SOX6: variants seen among roughly 807,000 people sequenced by gnomAD.
The protein encoded by SOX6 is transcription factor SOX-6.
Under a neutral mutation model 97.8 loss-of-function variants are expected in SOX6, and 11 were observed. The observed-to-expected ratio is 0.11, with a 90% confidence interval of 0.07 to 0.19. The LOEUF (loss-of-function observed/expected upper bound fraction) is 0.19, where lower values mean the gene tolerates loss of function less well. Among genes scored for constraint, SOX6 ranks in the 10% least tolerant of loss-of-function variants. The pLI is 1.00. For synonymous variants in SOX6, 360 were observed against 371.4 expected, an observed-to-expected ratio of 0.97 and a Z score of 0.35; for missense variants, 810 against 1,039.5, an observed-to-expected ratio of 0.78 and a Z score of 3.04.
At chr11:16,342,010 T>C (rs1856651912) in intron 1 of SOX6, among the ~76,000 whole-genome samples, 1 of 152,034 alleles carries the variant, frequency 6.6e-6, no homozygotes, top group Non-Finnish European at 1.5e-5. Context: ...TATTAGGAAG[T>C]ATATACAAGA....
In SOX6 at chr11:16,583,599, A is replaced by G. The variant is rs12806745; in HGVS notation, n.609+28482T>C. ...ATTGTGTATATATATATATGTATAT[A>G]TGTGTATATATATACATATATATAT... is the stretch of plus-strand genomic sequence containing the variant. On this transcript the variant is annotated intron_variant and non_coding_transcript_variant, in intron 4 of 5. Transcript: ENST00000524520. Among the ~76,000 whole-genome samples the G allele has an allele frequency of 2.9e-5, 3 of 104,904 alleles. 1 individual carries two copies. The highest frequency in any genetic ancestry group is 5.8e-5 in the Non-Finnish European group (3 of 51,650). 68.8% of individuals were successfully genotyped at this position (104,904 alleles called of 152,430 possible).
At chr11:16,418,304 C>T (rs2352237) in intron 1 of SOX6, among the ~76,000 whole-genome samples, 151,568 of 152,288 alleles carry the variant, frequency 1, 75,431 homozygotes, top group Middle Eastern at 1. Context: ...GTTCATTTTC[C>T]TCTGCTTTCT....
At chr11:16,737,759 T>G (rs1404323453) in intron 1 of SOX6, among the ~76,000 whole-genome samples, 3 of 152,092 alleles carry the variant, frequency 2.0e-5, no homozygotes, top group Non-Finnish European at 4.4e-5. Context: ...TAACGGGCAT[T>G]GGGGTTCCTT....
rs1479051090 is a variant in SOX6, at chr11:15,969,078, T to C, written c.*3731A>G. 1 of 148,184 alleles carries C rather than the reference T, an allele frequency of 6.7e-6. No homozygotes were observed. The highest frequency in any genetic ancestry group is 1.5e-5 in the Non-Finnish European group (1 of 67,536). The allele number at this position is 148,184 out of a possible 1,614,324, so 9.2% of individuals were successfully genotyped here. On this transcript the variant is annotated 3_prime_UTR_variant, in exon 16 of 16. Transcript: ENST00000683767. ...TCCTTCCATTCCATATGGCTATTTTTTTTTTTTTTTTTTTTTGGGAGAGGA... is the reference window on the plus strand; with the variant it reads ...TCCTTCCATTCCATATGGCTATTTTCTTTTTTTTTTTTTTTTGGGAGAGGA...
chr11:15,981,539 G>A (rs888654319), intron 15 of SOX6, among the ~76,000 whole-genome samples: 8 of 152,110 alleles, frequency 5.3e-5, no homozygotes, highest in East Asian at 1.9e-4. Context: ...AAGCCTATAC[G>A]TCACATATCT....
At chr11:16,111,975 G>C in intron 6 of SOX6, 52 bp from the exon 7 acceptor site, 1 of 1,609,624 alleles carries the variant, frequency 6.2e-7, no homozygotes, top group Non-Finnish European at 8.5e-7. Flanking sequence ...TGTATGCCAA[G>C]AAGAATTTGT....
chr11:16,585,642 G>C (rs943844495), intron 4 of SOX6, among the ~76,000 whole-genome samples: 1 of 151,334 alleles, frequency 6.6e-6, no homozygotes, highest in East Asian at 1.9e-4. Flanking sequence ...TGGGGCGGGG[G>C]AGTCAACAAA....
intron 3 of SOX6, among the ~76,000 whole-genome samples, chr11:16,714,408 AT>A (rs1235472894): frequency 7.1e-6 from 1 of 141,126 alleles, no homozygotes; most frequent in Admixed American, 7.1e-5. Context: ...TACCTTTGTT[AT>A]TTACCTACCA....
intron 4 of SOX6, among the ~76,000 whole-genome samples, chr11:16,589,195 C>G (rs745583886): frequency 5.3e-5 from 8 of 152,170 alleles, no homozygotes; most frequent in Non-Finnish European, 8.8e-5. Context: ...CTTGACTCAT[C>G]ATGCCCTCAC....
At chr11:16,171,525 T>A (rs1032132533) in intron 6 of SOX6, among the ~76,000 whole-genome samples, 2 of 152,072 alleles carry the variant, frequency 1.3e-5, no homozygotes, top group East Asian at 1.9e-4. Flanking sequence ...AAATGATTTA[T>A]CATTTTTAAA....
chr11:16,115,628 A>G (rs1274409550), intron 6 of SOX6, among the ~76,000 whole-genome samples: 3 of 152,190 alleles, frequency 2.0e-5, no homozygotes, highest in Non-Finnish European at 1.5e-5. Flanking sequence ...ACAGGTGGCT[A>G]GAGAAGGTAA....
At chr11:16,651,793 G>A (rs1432634925) in intron 3 of SOX6, among the ~76,000 whole-genome samples, 1 of 152,102 alleles carries the variant, frequency 6.6e-6, no homozygotes, top group Non-Finnish European at 1.5e-5. Flanking sequence ...ACAAGAGAAA[G>A]AAATAAAGGG....
chr11:16,036,821 C>T (rs568336614), intron 12 of SOX6, among the ~76,000 whole-genome samples: 1 of 152,066 alleles, frequency 6.6e-6, no homozygotes, highest in African/African-American at 2.4e-5. Flanking sequence ...TTCAAGTGAT[C>T]GCGTATGCTT....
At chr11:16,136,042 T>C (rs1849952097) in intron 6 of SOX6, among the ~76,000 whole-genome samples, 1 of 152,028 alleles carries the variant, frequency 6.6e-6, no homozygotes, top group African/African-American at 2.4e-5. Context: ...TTTTTTGAGG[T>C]AGAGACTTGC....
chr11:16,086,460 C>G (rs1030215503), intron 9 of SOX6, among the ~76,000 whole-genome samples: 4 of 152,126 alleles, frequency 2.6e-5, no homozygotes, highest in Non-Finnish European at 5.9e-5. Flanking sequence ...AGGCAGGCAT[C>G]GTGACCCAGC....
intron 4 of SOX6, among the ~76,000 whole-genome samples, chr11:16,598,928 C>T (rs1056969250): frequency 4.6e-5 from 7 of 151,912 alleles, no homozygotes; most frequent in African/African-American, 7.3e-5. Context: ...CAAGGGTTAT[C>T]GTGGGAGATT....
chr11:16,490,896 C>T (rs906978665), intron 4 of SOX6, among the ~76,000 whole-genome samples: 1 of 151,950 alleles, frequency 6.6e-6, no homozygotes, highest in African/African-American at 2.4e-5. Flanking sequence ...GCAACAAGTG[C>T]ACAAAAAACA....
At chr11:16,662,253 C>T (rs931604906) in intron 3 of SOX6, among the ~76,000 whole-genome samples, 6 of 152,096 alleles carry the variant, frequency 3.9e-5, no homozygotes, top group Admixed American at 1.3e-4. Context: ...CATTATCTTG[C>T]CCTCACTTTG....
rs779437941 is a variant in SOX6 at position 15,986,393 on chromosome 11, T to C, written c.1994A>G (p.Gln665Arg). The C allele has an allele frequency of 5.0e-6, 8 of 1,613,986 alleles. No individual in the cohort carries two copies. Residue 665 changes from glutamine (Q) to arginine (R), a missense_variant, in exon 15 of 16, where the codon CAG (glutamine) becomes CGG (arginine). This residue lies in a region of SOX6 where 51 missense variants were observed against 145.7 expected (regional missense o/e 0.35). Coordinates refer to ENST00000683767, the MANE Select transcript of SOX6 (RefSeq NM_001367873.1). Reference protein sequence around the residue: ...LGSRWKSMSNQEKQPYYEEQA... With the variant: ...LGSRWKSMSNREKQPYYEEQA... ...CTCTTCATAATAAGGTTGCTTCTCC[T>C]GGTTGGACATTGATTTCCAGCGAGA...
Sources: gnomAD v4.1 joint callset for allele counts (sites outside exome capture counted in the v4.1 genomes callset) on GRCh38, gnomAD v4.1.1 for gene constraint, gnomAD v4.1.1 regional missense constraint, MANE v1.5 for transcripts, NCBI Gene and HGNC (gene_info 2026-07-23, HGNC 2026-07-21) for gene names.